Variants in SH3KBP1 observed in about 807,000 individuals in gnomAD.
SH3KBP1 encodes the protein SH3 domain containing kinase binding protein 1, also known as SH3 domain-containing kinase-binding protein 1.
In SH3KBP1, 8 loss-of-function variants were observed where a neutral mutation model predicts 50.1. The ratio of observed to expected loss-of-function variants is 0.16; its 90% CI spans 0.09 to 0.29. The LOEUF is 0.29. SH3KBP1 is among the 10% of genes least tolerant of loss of function. The probability of loss-of-function intolerance (pLI) is 1.00; values close to 1 mark genes in which losing one functional copy is unlikely to be tolerated. For synonymous variants in SH3KBP1, 227 were observed against 218.6 expected (o/e 1.04, Z -0.34); for missense variants, 377 against 535.2 (o/e 0.70, Z 2.92).
intron 4 of SH3KBP1, among the ~76,000 whole-genome samples, chrX:19,699,846 G>A (rs1219482387): frequency 2.7e-5 from 3 of 111,715 alleles, no homozygotes; most frequent in African/African-American, 9.8e-5. Context: ...TGAAAAGATG[G>A]CGTGCTCCCT....
At chrX:19,582,509 G>A (rs2066408271) in intron 12 of SH3KBP1, among the ~76,000 whole-genome samples, 1 of 111,831 alleles carries the variant, frequency 8.9e-6, no homozygotes, top group Admixed American at 9.5e-5. Context: ...ACCCACATTT[G>A]TGGCCACAAC....
intron 9 of SH3KBP1, among the ~76,000 whole-genome samples, chrX:19,603,712 G>A (rs757252895): frequency 2.7e-5 from 3 of 111,657 alleles, no homozygotes; most frequent in Non-Finnish European, 5.7e-5. Flanking sequence ...TTTTGAGACA[G>A]GGTCTCGCTC....
At chrX:19,650,771 GA>G (rs1459443933) in intron 6 of SH3KBP1, among the ~76,000 whole-genome samples, 1 of 111,863 alleles carries the variant, frequency 8.9e-6, no homozygotes, top group Non-Finnish European at 1.9e-5. Flanking sequence ...GGAAAGTGGG[GA>G]AAAAAGGCAG....
intron 1 of SH3KBP1, among the ~76,000 whole-genome samples, chrX:19,850,360 T>C (rs1032904323): frequency 7.2e-5 from 8 of 111,151 alleles, no homozygotes; most frequent in African/African-American, 2.6e-4. Flanking sequence ...ATTTTTGTAT[T>C]TTTAGTAGAG....
chrX:19,547,141 T>G, intron 14 of SH3KBP1, among the ~76,000 whole-genome samples: 3 of 94,544 alleles, frequency 3.2e-5, no homozygotes, highest in African/African-American at 9.1e-5. Context: ...GACAAAAGAG[T>G]GGGACCCTGT....
intron 3 of SH3KBP1, among the ~76,000 whole-genome samples, chrX:19,744,132 T>C (rs1455071028): frequency 8.9e-6 from 1 of 112,240 alleles, no homozygotes; most frequent in East Asian, 2.8e-4. Context: ...AGCTCGATGA[T>C]GGAAACAAAG....
chrX:19,557,001 C>A (rs752204531), intron 13 of SH3KBP1, among the ~76,000 whole-genome samples: 1 of 111,761 alleles, frequency 8.9e-6, no homozygotes, highest in South Asian at 3.7e-4. Flanking sequence ...CTGTTTTGAA[C>A]TCCATGTGCC....
intron 11 of SH3KBP1, 109 bp downstream of exon 11, chrX:19,591,958 C>T (rs962501485): frequency 1.6e-6 from 1 of 616,671 alleles, no homozygotes; most frequent in Admixed American, 2.4e-5. Flanking sequence ...ACCATGATCA[C>T]CATATTCCAA....
At chrX:19,795,160 C>A (rs1404913690) in intron 2 of SH3KBP1, among the ~76,000 whole-genome samples, 1 of 111,741 alleles carries the variant, frequency 8.9e-6, no homozygotes, top group Non-Finnish European at 1.9e-5. Context: ...GGCATGTCCA[C>A]CAAGACAGCT....
At chrX:19,850,896 T>C (rs1247723200) in intron 1 of SH3KBP1, among the ~76,000 whole-genome samples, 3 of 109,570 alleles carry the variant, frequency 2.7e-5, no homozygotes, top group African/African-American at 1.0e-4. Flanking sequence ...CATCATAAGA[T>C]CCCCAGGACA....
chrX:19,701,363 G>A (rs1042275830), intron 4 of SH3KBP1, among the ~76,000 whole-genome samples: 2 of 111,638 alleles, frequency 1.8e-5, no homozygotes, highest in African/African-American at 3.3e-5. Flanking sequence ...TTAAACAGGC[G>A]CTCCTTTGAA....
Position 19,849,447 on chromosome X carries a change from G to A in SH3KBP1, c.5-13165C>T, listed in dbSNP as rs193083628. Among the ~76,000 whole-genome samples the A allele has an allele frequency of 8.8e-4, 97 of 110,509 alleles. 2 individuals carry two copies. The highest frequency in any genetic ancestry group is 5.4e-3 in the South Asian group (14 of 2,591). ...CTCACACCTGTAATCCCAGCACTTC[G>A]GGAGGCTGAGGTGGACGGATCACTT... On this transcript the variant is annotated intron_variant, in intron 1 of 17. Coordinates refer to ENST00000397821, the MANE Select transcript of SH3KBP1 (RefSeq NM_031892.3).
At chrX:19,643,283 T>TG (rs1253752319) in intron 7 of SH3KBP1, among the ~76,000 whole-genome samples, 2 of 105,259 alleles carry the variant, frequency 1.9e-5, no homozygotes, top group African/African-American at 7.1e-5. Context: ...ACAGTGTGTG[T>TG]GGGCTGAAAC....
At chrX:19,609,407 CCCTGAG>C (rs1304448739) in intron 8 of SH3KBP1, among the ~76,000 whole-genome samples, 8 of 112,111 alleles carry the variant, frequency 7.1e-5, no homozygotes, top group African/African-American at 2.6e-4. Context: ...GGCATCCTGA[CCCTGAG>C]CCTGCTTTTT....
Position 19,887,280 on chromosome X carries a change from G to T in SH3KBP1, c.4+27C>A, listed in dbSNP as rs1367043751. Reference sequence around the variant, plus strand: ...CGCCGCCCTCAAGGCTGAAGTGGACGCCCGGACGCGGGCGGCCCCCACTCA... The same window carrying T: ...CGCCGCCCTCAAGGCTGAAGTGGACTCCCGGACGCGGGCGGCCCCCACTCA... On this transcript the variant is annotated intron_variant, in intron 1 of 17. Coordinates refer to ENST00000397821, the MANE Select transcript of SH3KBP1 (RefSeq NM_031892.3). 9.3e-6 allele frequency: 9 copies of T among 972,112 alleles called. No individual in the cohort carries two copies. The South Asian group carries it at 2.2e-4, about 24-fold the overall frequency. The allele number at this position is 972,112 out of a possible 1,213,427, so 80.1% of individuals were successfully genotyped here.
chrX:19,588,523 G>C lies in SH3KBP1; in HGVS notation c.1298+120C>G, dbSNP rs776281440. 6.6e-6 allele frequency: 8 copies of C among 1,210,213 alleles called. No individual in the cohort carries two copies. The South Asian group carries it at 1.4e-4, about 21-fold the overall frequency. On this transcript the variant is annotated intron_variant, in intron 12 of 17. Coordinates refer to ENST00000397821, the MANE Select transcript of SH3KBP1 (RefSeq NM_031892.3). ...TAATTTTGCTGGAGGATGTAAGAGG[G>C]AAGCTTGAGCACCCCCTTCTCCTCT...
intron 13 of SH3KBP1, among the ~76,000 whole-genome samples, chrX:19,551,927 A>G (rs1022890087): frequency 9.0e-6 from 1 of 111,478 alleles, no homozygotes; most frequent in Admixed American, 9.6e-5. Flanking sequence ...AATGTAATAC[A>G]TGATCAGCGT....
chrX:19,554,706 G>A (rs1170880524), intron 13 of SH3KBP1, among the ~76,000 whole-genome samples: 1 of 111,520 alleles, frequency 9.0e-6, no homozygotes, highest in African/African-American at 3.3e-5. Flanking sequence ...CCAGCTTAAT[G>A]CACATTTCTG....
chrX:19,752,110 C>T (rs1259479567), intron 2 of SH3KBP1, among the ~76,000 whole-genome samples: 1 of 112,102 alleles, frequency 8.9e-6, no homozygotes, highest in Non-Finnish European at 1.9e-5. Context: ...AGTTTGGGGG[C>T]CCCTCCCTCC....
Sources: gnomAD v4.1 joint callset for allele counts (sites outside exome capture counted in the v4.1 genomes callset) on GRCh38, gnomAD v4.1.1 for gene constraint, MANE v1.5 for transcripts, NCBI Gene and HGNC (gene_info 2026-07-23, HGNC 2026-07-21) for gene names.